Variants in RPS6KC1 observed in about 807,000 individuals in gnomAD.
RPS6KC1 encodes the protein ribosomal protein S6 kinase C1, also known as inactive ribosomal protein S6 kinase delta-1.
RPS6KC1 carries 54 observed loss-of-function variants against 103.8 expected under a neutral mutation model. The observed-to-expected ratio is 0.52, with a 90% confidence interval of 0.42 to 0.65. RPS6KC1 has a LOEUF of 0.65. Among genes scored for constraint, RPS6KC1 ranks in the 30% least tolerant of loss-of-function variants. The pLI is 0.00. For missense variants in RPS6KC1, 1,151 were observed against 1,253.8 expected (o/e 0.92, Z 1.24); for synonymous variants, 439 against 438.7 (o/e 1.00, Z -0.01).
At chr1:213,822,063 G>C in the RPS6KC1 span, 1 of 152,214 alleles carries the variant, frequency 6.6e-6, no homozygotes, top group Non-Finnish European at 1.5e-5. Flanking sequence ...AAGTGCCCCT[G>C]TTGGTCTGAC....
At chr1:213,230,626 G>T in intron 9 of RPS6KC1, 82 bp downstream of exon 9, 1 of 983,812 alleles carries the variant, frequency 1.0e-6, no homozygotes, top group Non-Finnish European at 1.5e-6. Flanking sequence ...CCTAAGGTCA[G>T]GAGTTCGAGA....
At chr1:213,829,134 TA>T in the RPS6KC1 span, among the ~76,000 whole-genome samples, 4 of 152,170 alleles carry the variant, frequency 2.6e-5, no homozygotes, top group African/African-American at 9.7e-5. Context: ...ATTTAGGGAC[TA>T]TCCATTCCAG....
At chr1:213,278,191 T>G (rs1171665159), downstream of RPS6KC1, among the ~76,000 whole-genome samples, 6 of 151,566 alleles carry the variant, frequency 4.0e-5, no homozygotes, top group African/African-American at 1.5e-4. Flanking sequence ...GGCAACAGAC[T>G]GTGACCTAGA....
the RPS6KC1 span, among the ~76,000 whole-genome samples, chr1:213,633,874 C>CAAAAAAA: frequency 7.2e-4 from 6 of 8,276 alleles, 2 homozygotes; most frequent in Non-Finnish European, 1.2e-3. Context: ...AAATGGAAAG[C>CAAAAAAA]AAAAAAAAAA....
the RPS6KC1 span, among the ~76,000 whole-genome samples, chr1:213,814,840 G>T: frequency 1.3e-5 from 2 of 152,134 alleles, no homozygotes; most frequent in African/African-American, 4.8e-5. Context: ...GATCCAGGGG[G>T]TCCAGCTTCA....
intron 8 of RPS6KC1, among the ~76,000 whole-genome samples, chr1:213,180,758 G>A (rs1478596727): frequency 6.6e-6 from 1 of 151,966 alleles, no homozygotes; most frequent in Non-Finnish European, 1.5e-5. Flanking sequence ...TGTTGTATTT[G>A]TGTGGTACGA....
chr1:213,483,269 A>G, the RPS6KC1 span, among the ~76,000 whole-genome samples: 1 of 152,072 alleles, frequency 6.6e-6, no homozygotes, highest in East Asian at 1.9e-4. Context: ...TTCAATTACC[A>G]CCCACTGGGT....
chr1:213,682,064 C>T, the RPS6KC1 span, among the ~76,000 whole-genome samples: 1 of 152,144 alleles, frequency 6.6e-6, no homozygotes, highest in Non-Finnish European at 1.5e-5. Context: ...GCTGTTCCTG[C>T]CATAGAGGGA....
chr1:213,272,405 T>C (rs1173294027), intron 14 of RPS6KC1, 119 bp from the exon 15 acceptor site: 2 of 717,772 alleles, frequency 2.8e-6, no homozygotes, highest in Admixed American at 2.3e-5. Flanking sequence ...GTCACTTGGC[T>C]ATTAATCAAG....
the RPS6KC1 span, among the ~76,000 whole-genome samples, chr1:213,366,978 G>T: frequency 6.6e-6 from 1 of 152,186 alleles, no homozygotes; most frequent in South Asian, 2.1e-4. Context: ...GAAGATAGAG[G>T]TCGTAGTCTT....
the RPS6KC1 span, among the ~76,000 whole-genome samples, chr1:213,572,230 AT>A: frequency 6.6e-6 from 1 of 152,208 alleles, no homozygotes; most frequent in African/African-American, 2.4e-5. Flanking sequence ...TGGAGCTGTG[AT>A]TCCATTGCTG....
chr1:213,722,510 C>G, the RPS6KC1 span, among the ~76,000 whole-genome samples: 1 of 152,194 alleles, frequency 6.6e-6, no homozygotes, highest in East Asian at 1.9e-4. Flanking sequence ...ATTACTATGG[C>G]ATCTTTTAGC....
chr1:213,233,103 CT>C (rs1315263502), intron 10 of RPS6KC1, among the ~76,000 whole-genome samples: 1 of 151,994 alleles, frequency 6.6e-6, no homozygotes, highest in Admixed American at 6.6e-5. Context: ...GAAGTCATTG[CT>C]TTCTGGAATG....
At chr1:213,357,119 C>T in the RPS6KC1 span, among the ~76,000 whole-genome samples, 1 of 151,314 alleles carries the variant, frequency 6.6e-6, no homozygotes, top group African/African-American at 2.5e-5. Flanking sequence ...TCGGGATCAC[C>T]TGGGATTATT....
chr1:213,409,160 AG>A, the RPS6KC1 span, among the ~76,000 whole-genome samples: 6 of 152,156 alleles, frequency 3.9e-5, no homozygotes, highest in African/African-American at 1.4e-4. Context: ...TTTCCAGGGC[AG>A]GTCCCACGCT....
At chr1:213,169,893 T>G (rs2091336055) in intron 7 of RPS6KC1, among the ~76,000 whole-genome samples, 1 of 151,510 alleles carries the variant, frequency 6.6e-6, no homozygotes, top group African/African-American at 2.4e-5. Flanking sequence ...GCGATTCTCC[T>G]GCCTCAGCCT....
chr1:213,271,174 T>C (rs2095039323), intron 14 of RPS6KC1, among the ~76,000 whole-genome samples: 3 of 152,120 alleles, frequency 2.0e-5, no homozygotes, highest in Admixed American at 6.5e-5. Flanking sequence ...AACTGGAAAG[T>C]CTAAGTATCT....
chr1:213,572,455 G>T, the RPS6KC1 span, among the ~76,000 whole-genome samples: 1 of 152,322 alleles, frequency 6.6e-6, no homozygotes, highest in East Asian at 1.9e-4. Context: ...TTGATAAAAA[G>T]ATGGTCCTTC....
chr1:213,685,602 C>G, the RPS6KC1 span, among the ~76,000 whole-genome samples: 1 of 150,476 alleles, frequency 6.6e-6, no homozygotes, highest in Non-Finnish European at 1.5e-5. Context: ...TACACTGTAG[C>G]CTGGCTGAAA....
Sources: allele counts gnomAD v4.1 joint callset (sites outside exome capture counted in the v4.1 genomes callset), GRCh38; gene constraint gnomAD v4.1.1; transcripts MANE v1.5; gene names NCBI Gene and HGNC (gene_info 2026-07-23, HGNC 2026-07-21).